The following RABGEF1 variants were observed in gnomAD, a reference collection of about 807,000 sequenced individuals.
RABGEF1 encodes RAB guanine nucleotide exchange factor 1.
RABGEF1 carries 26 observed loss-of-function variants against 57.3 expected under a neutral mutation model. That is an observed-to-expected ratio of 0.45 (90% CI 0.33 to 0.63). RABGEF1 has a LOEUF of 0.63. Ranked by LOEUF, RABGEF1 falls within the 20% of genes least tolerant of loss-of-function variation. The pLI, the probability that RABGEF1 is intolerant of heterozygous loss-of-function variation, is 0.02. For missense variants in RABGEF1, 464 were observed against 607.6 expected (o/e 0.76, Z 2.48); for synonymous variants, 185 against 210.7 (o/e 0.88, Z 1.06).
chr7:66,742,530 A>G (rs1799223686), intron 1 of RABGEF1, among the ~76,000 whole-genome samples: 1 of 152,198 alleles, frequency 6.6e-6, no homozygotes, highest in African/African-American at 2.4e-5. Flanking sequence ...AGAATGACTA[A>G]CATTCAGACT....
upstream of RABGEF1, chr7:66,740,115 C>A (rs1040273801): frequency 6.6e-6 from 1 of 152,326 alleles, no homozygotes; most frequent in Non-Finnish European, 1.5e-5. Context: ...ACCACAGGTG[C>A]CCGCCATCAT....
intron 3 of RABGEF1, among the ~76,000 whole-genome samples, chr7:66,776,544 T>G (rs1808595692): frequency 6.6e-6 from 1 of 151,878 alleles, no homozygotes; most frequent in Non-Finnish European, 1.5e-5. Context: ...AATAGAAAAA[T>G]CATCCAGGCA....
At chr7:66,784,279 T>C (rs529653799) in intron 4 of RABGEF1, among the ~76,000 whole-genome samples, 2 of 152,352 alleles carry the variant, frequency 1.3e-5, no homozygotes, top group East Asian at 3.9e-4. Context: ...AAAGGACAGA[T>C]AGAATTTAGA....
chr7:66,779,459 G>A (rs1237116706), intron 3 of RABGEF1, among the ~76,000 whole-genome samples: 1 of 151,134 alleles, frequency 6.6e-6, no homozygotes, highest in African/African-American at 2.4e-5. Context: ...AGCCAAGATC[G>A]TGCCATTGCA....
At chr7:66,723,078 C>T (rs1796223685) in intron 2 of RABGEF1, among the ~76,000 whole-genome samples, 1 of 152,136 alleles carries the variant, frequency 6.6e-6, no homozygotes, top group Non-Finnish European at 1.5e-5. Flanking sequence ...AAGCGATTCT[C>T]CTACCTCAGC....
At chr7:66,674,505 A>C in the RABGEF1 span, among the ~76,000 whole-genome samples, 89 of 152,250 alleles carry the variant, frequency 5.8e-4, no homozygotes, top group African/African-American at 2.1e-3. Flanking sequence ...CTTACATAGG[A>C]ATGTTCATCC....
chr7:66,758,718 C>G (rs1172072258), intron 1 of RABGEF1, among the ~76,000 whole-genome samples: 2 of 152,208 alleles, frequency 1.3e-5, no homozygotes, highest in African/African-American at 2.4e-5. Flanking sequence ...ACAGCTGTCA[C>G]CACCACCACA....
chr7:66,674,674 G>T, the RABGEF1 span, among the ~76,000 whole-genome samples: 1 of 152,152 alleles, frequency 6.6e-6, no homozygotes, highest in South Asian at 2.1e-4. Flanking sequence ...TCAAAAACAT[G>T]TTGAAGGAAA....
intron 1 of RABGEF1, among the ~76,000 whole-genome samples, chr7:66,763,143 G>C (rs1260064931): frequency 6.6e-6 from 1 of 152,140 alleles, no homozygotes; most frequent in African/African-American, 2.4e-5. Context: ...GAATACAGGC[G>C]TGAGCCATTG....
rs192267226 is a variant in RABGEF1, at chr7:66,717,585, C to T, written c.-815+5361C>T. 4.7e-4 allele frequency among the ~76,000 whole-genome samples: 71 copies of T among 151,670 alleles called. No individual in the cohort carries two copies. In the East Asian group the frequency reaches 0.011, roughly 24 times the overall value. On this transcript the variant is annotated intron_variant and NMD_transcript_variant, in intron 2 of 9. Transcript: ENST00000607882. The stretch of plus-strand genomic sequence containing the variant: ...CAGCCTGGCCAGTATGGTGAAACCC[C>T]GTCTCTAGTGTCACCCAGGCTGGAG...
At chr7:66,738,027 T>TG (rs1337503099), upstream of RABGEF1, among the ~76,000 whole-genome samples, 568 of 150,090 alleles carry the variant, frequency 3.8e-3, 27 homozygotes, top group South Asian at 0.075. Flanking sequence ...TTTTTTGTTT[T>TG]TTTTTTTTTT....
intron 1 of RABGEF1, among the ~76,000 whole-genome samples, chr7:66,695,758 G>A (rs1278518419): frequency 3.3e-5 from 5 of 152,012 alleles, no homozygotes; most frequent in African/African-American, 1.2e-4. Context: ...CTGAGGTCAG[G>A]AGTTTGAGAC....
intron 1 of RABGEF1, among the ~76,000 whole-genome samples, chr7:66,758,058 G>A (rs1189579913): frequency 2.0e-5 from 3 of 152,042 alleles, no homozygotes; most frequent in Non-Finnish European, 2.9e-5. Flanking sequence ...ATACCTTATC[G>A]TTTTACTAGA....
chr7:66,705,670 C>A (rs530222307), intron 1 of RABGEF1, among the ~76,000 whole-genome samples: 104 of 151,692 alleles, frequency 6.9e-4, no homozygotes, highest in African/African-American at 2.4e-3. Flanking sequence ...TTACTTCAAG[C>A]ACTTTCAGTT....
the RABGEF1 span, among the ~76,000 whole-genome samples, chr7:66,668,055 C>T: frequency 1.3e-5 from 2 of 152,220 alleles, no homozygotes; most frequent in East Asian, 3.9e-4. Context: ...GCCTTGGCCT[C>T]CCAAATTGCT....
intron 8 of RABGEF1, among the ~76,000 whole-genome samples, chr7:66,806,538 C>T (rs530295955): frequency 6.6e-6 from 1 of 151,942 alleles, no homozygotes; most frequent in Non-Finnish European, 1.5e-5. Context: ...TACCTTTATT[C>T]ACACTGTTTT....
chr7:66,687,113 C>CTTTTTTTTTTT lies in RABGEF1; in HGVS notation c.-873+4867_-873+4877dup, dbSNP rs71526570. 3.9e-5 allele frequency among the ~76,000 whole-genome samples: 4 copies of CTTTTTTTTTTT among 103,640 alleles called. 1 individual carries two copies. Among genetic ancestry groups the CTTTTTTTTTTT allele is most frequent in the African/African-American group, 7.2e-5 (2 of 27,704 alleles). 68.0% of individuals were successfully genotyped at this position (103,640 alleles called of 152,430 possible). A position where few individuals can be genotyped will look rare whatever the true frequency, so the allele number is the denominator to read the frequency against. On this transcript the variant is annotated intron_variant and NMD_transcript_variant, in intron 1 of 9. Coordinates refer to the RABGEF1 transcript ENST00000607882. ...TGAGATTACGAGCCACCACGCCCGG[C>CTTTTTTTTTTT]TTTTTTTTTTTTTTTTTTTTTTCTT...
chr7:66,785,380 C>T (rs551791236), intron 4 of RABGEF1, among the ~76,000 whole-genome samples: 2 of 152,306 alleles, frequency 1.3e-5, no homozygotes, highest in Admixed American at 6.5e-5. Flanking sequence ...GAAGTCTGCA[C>T]ATACCATATA....
At chr7:66,685,724 TTACCAG>T (rs1191676897) in intron 1 of RABGEF1, among the ~76,000 whole-genome samples, 1 of 152,250 alleles carries the variant, frequency 6.6e-6, no homozygotes, top group East Asian at 1.9e-4. Flanking sequence ...GAACAAAATG[TTACCAG>T]TACTTACTCA....
Sources: gnomAD v4.1 joint callset for allele counts (sites outside exome capture counted in the v4.1 genomes callset) on GRCh38, gnomAD v4.1.1 for gene constraint, MANE v1.5 for transcripts, NCBI Gene and HGNC (gene_info 2026-07-23, HGNC 2026-07-21) for gene names.